Variants in NAALADL2 observed in about 807,000 individuals in gnomAD.
NAALADL2 encodes inactive N-acetylated-alpha-linked acidic dipeptidase-like protein 2.
A neutral mutation model predicts 87.2 loss-of-function variants in NAALADL2; 76 were observed. The ratio of observed to expected loss-of-function variants is 0.87; its 90% CI spans 0.72 to 1.05. The LOEUF (loss-of-function observed/expected upper bound fraction) is 1.05. Ranked by LOEUF, NAALADL2 falls within the 50% of genes least tolerant of loss-of-function variation. The probability of loss-of-function intolerance (pLI) is 0.00; values close to 1 mark genes in which losing one functional copy is unlikely to be tolerated. For synonymous variants in NAALADL2, 354 were observed against 331.0 expected (o/e 1.07, Z -0.75); for missense variants, 1,089 against 945.8 (o/e 1.15, Z -1.99).
Position 175,702,595 on chromosome 3 carries a change from T to C in NAALADL2, c.1897-34711T>C, listed in dbSNP as rs546820264. On this transcript the variant is annotated intron_variant, in intron 11 of 13. Transcript: ENST00000454872. ...AAAGTCAACCTTTGCTTCTCAGTTA[T>C]AGTCCATTGTAAGACACAAAGCATA... 2.6e-5 allele frequency among the ~76,000 whole-genome samples: 4 copies of C among 152,316 alleles called. No individual in the cohort carries two copies. In the East Asian group the frequency reaches 5.8e-4, roughly 22 times the overall value.
intron 11 of NAALADL2, among the ~76,000 whole-genome samples, chr3:175,698,364 T>C (rs187077164): frequency 0.23 from 11,814 of 50,324 alleles, 3,505 homozygotes; most frequent in African/African-American, 0.51. Context: ...TGTATGTGTA[T>C]ATATGTATGT....
chr3:175,329,970 G>T (rs931903349), intron 5 of NAALADL2, among the ~76,000 whole-genome samples: 19 of 151,948 alleles, frequency 1.3e-4, no homozygotes, highest in African/African-American at 3.9e-4. Context: ...ATTTTTGAGT[G>T]GTTATTGTTC....
At chr3:174,762,979 G>A (rs1162413042) in intron 3 of NAALADL2, among the ~76,000 whole-genome samples, 1 of 152,096 alleles carries the variant, frequency 6.6e-6, no homozygotes, top group Non-Finnish European at 1.5e-5. Context: ...GCTTCTTGAT[G>A]TAAGTGGGAA....
intron 1 of NAALADL2, among the ~76,000 whole-genome samples, chr3:175,084,894 C>A (rs1002543298): frequency 2.6e-5 from 4 of 152,160 alleles, no homozygotes; most frequent in African/African-American, 9.7e-5. Context: ...GGGGGAACTA[C>A]TAGCAGTACG....
intron 3 of NAALADL2, among the ~76,000 whole-genome samples, chr3:174,811,426 A>G (rs1448509751): frequency 3.9e-5 from 6 of 152,186 alleles, no homozygotes; most frequent in Non-Finnish European, 7.3e-5. Context: ...GATGTGAGAC[A>G]TAGAGTCAAA....
chr3:175,589,056 A>G (rs1268384064), intron 10 of NAALADL2, among the ~76,000 whole-genome samples: 4 of 152,204 alleles, frequency 2.6e-5, no homozygotes, highest in Admixed American at 2.0e-4. Context: ...TTTTTGACAG[A>G]GGATCATTAG....
intron 2 of NAALADL2, among the ~76,000 whole-genome samples, chr3:174,654,682 C>A (rs114212935): frequency 1.6e-3 from 247 of 152,262 alleles, no homozygotes; most frequent in African/African-American, 5.7e-3. Context: ...AAGTGCTTCA[C>A]TTTTGAACTG....
At chr3:175,048,883 G>A (rs1336182817) in intron 1 of NAALADL2, among the ~76,000 whole-genome samples, 1 of 152,046 alleles carries the variant, frequency 6.6e-6, no homozygotes, top group Non-Finnish European at 1.5e-5. Flanking sequence ...TGGCCTGAAA[G>A]CTGCATAGGG....
At chr3:175,761,456 C>G (rs1747996385) in intron 13 of NAALADL2, among the ~76,000 whole-genome samples, 1 of 152,172 alleles carries the variant, frequency 6.6e-6, no homozygotes, top group African/African-American at 2.4e-5. Context: ...TAAAGCTGCT[C>G]TACATATTTT....
intron 1 of NAALADL2, among the ~76,000 whole-genome samples, chr3:174,489,622 G>A (rs1718058068): frequency 6.6e-6 from 1 of 151,884 alleles, no homozygotes; most frequent in South Asian, 2.1e-4. Flanking sequence ...ATATATTAAG[G>A]ACTCTTAGAA....
At chr3:174,954,353 TAA>T (rs367778467) in intron 1 of NAALADL2, among the ~76,000 whole-genome samples, 297 of 152,246 alleles carry the variant, frequency 2.0e-3, no homozygotes, top group African/African-American at 6.9e-3. Flanking sequence ...GCATAAAAAT[TAA>T]GTTATTAAAT....
At chr3:174,495,746 G>A (rs916734301) in intron 1 of NAALADL2, among the ~76,000 whole-genome samples, 8 of 104,548 alleles carry the variant, frequency 7.7e-5, no homozygotes, top group Non-Finnish European at 1.2e-4. Flanking sequence ...AGACTTCTTG[G>A]TGTGATAGCA....
chr3:174,593,206 C>T (rs1433661772), intron 2 of NAALADL2, among the ~76,000 whole-genome samples: 2 of 152,022 alleles, frequency 1.3e-5, no homozygotes, highest in Non-Finnish European at 2.9e-5. Context: ...CTCTAAATTG[C>T]TAAATAAGTT....
intron 2 of NAALADL2, among the ~76,000 whole-genome samples, chr3:175,100,908 A>T (rs372345122): frequency 1.3e-3 from 198 of 151,710 alleles, no homozygotes; most frequent in African/African-American, 4.5e-3. Context: ...GGCAAATCAT[A>T]TTTCAATGGA....
Position 175,335,623 on chromosome 3 carries a change from A to G in NAALADL2, c.1090+11298A>G, listed in dbSNP as rs534483935. On this transcript the variant is annotated intron_variant, in intron 5 of 13. Coordinates refer to ENST00000454872, the MANE Select transcript of NAALADL2 (RefSeq NM_207015.3). ...TTTTGAATTTTAAGTATGTAAAAAT[A>G]AATCTTGTAATGCCACTTTAAAGTG... is the stretch of plus-strand genomic sequence containing the variant. 2.0e-5 allele frequency among the ~76,000 whole-genome samples: 3 copies of G among 152,332 alleles called. No homozygotes were observed. In the South Asian group the frequency reaches 6.2e-4, roughly 32 times the overall value.
chr3:174,643,067 C>T (rs749973438), intron 2 of NAALADL2, among the ~76,000 whole-genome samples: 7 of 152,100 alleles, frequency 4.6e-5, no homozygotes, highest in Non-Finnish European at 1.0e-4. Flanking sequence ...CAGGCATGAG[C>T]CACCAAATAT....
chr3:174,959,355 G>A (rs1741642377), intron 1 of NAALADL2, among the ~76,000 whole-genome samples: 2 of 151,954 alleles, frequency 1.3e-5, no homozygotes, highest in Admixed American at 1.3e-4. Context: ...CCCTAATCTT[G>A]GAGATTATTA....
intron 8 of NAALADL2, 94 bp from the exon 9 acceptor site, chr3:175,471,545 A>G: frequency 1.4e-6 from 1 of 720,808 alleles, no homozygotes; most frequent in Non-Finnish European, 2.3e-6. Flanking sequence ...AATTTTAAGT[A>G]TGAAATGAAA....
At chr3:175,065,068 T>A (rs756115249) in intron 1 of NAALADL2, among the ~76,000 whole-genome samples, 1 of 152,120 alleles carries the variant, frequency 6.6e-6, no homozygotes, top group Non-Finnish European at 1.5e-5. Context: ...CTAACCAACA[T>A]TTAAAAAGAA....
Sources: gnomAD v4.1 joint callset for allele counts (sites outside exome capture counted in the v4.1 genomes callset) on GRCh38, gnomAD v4.1.1 for gene constraint, MANE v1.5 for transcripts, NCBI Gene and HGNC (gene_info 2026-07-23, HGNC 2026-07-21) for gene names.